Variants in PALLD observed in about 807,000 individuals in gnomAD.
PALLD encodes palladin, cytoskeletal associated protein, also known as palladin.
In PALLD, 61 loss-of-function variants were observed where a neutral mutation model predicts 123.5. That is an observed-to-expected ratio of 0.49 (90% confidence interval 0.40 to 0.61). The LOEUF (loss-of-function observed/expected upper bound fraction) is 0.61, where lower values mean the gene tolerates loss of function less well. Ranked by LOEUF, PALLD falls within the 20% of genes least tolerant of loss-of-function variation. The pLI is 0.00. For missense variants in PALLD, 1,273 were observed against 1,377.0 expected (o/e 0.92, Z 1.20); for synonymous variants, 465 against 496.4 (o/e 0.94, Z 0.84).
At chr4:168,531,721 A>C (rs1232839641) in intron 2 of PALLD, among the ~76,000 whole-genome samples, 1 of 152,216 alleles carries the variant, frequency 6.6e-6, no homozygotes, top group Non-Finnish European at 1.5e-5. Context: ...GATATAATGT[A>C]GGTAAAAACA....
At chr4:168,682,834 A>G (rs1410764388) in intron 4 of PALLD, among the ~76,000 whole-genome samples, 164 bp from the exon 5 acceptor site, 1 of 152,042 alleles carries the variant, frequency 6.6e-6, no homozygotes, top group Non-Finnish European at 1.5e-5. Context: ...TAGGTTATGC[A>G]TTCCCATTGT....
intron 10 of PALLD, among the ~76,000 whole-genome samples, chr4:168,726,745 G>A (rs369782114): frequency 6.7e-6 from 1 of 149,550 alleles, no homozygotes; most frequent in African/African-American, 2.5e-5. Flanking sequence ...ATGAGATGCT[G>A]TCCCTTTAAA....
chr4:168,603,657 G>C (rs1772895416), intron 2 of PALLD, among the ~76,000 whole-genome samples: 1 of 152,122 alleles, frequency 6.6e-6, no homozygotes. Context: ...AGGTGGTAGG[G>C]ATAGGTGTCA....
intron 2 of PALLD, among the ~76,000 whole-genome samples, chr4:168,653,720 C>G (rs1045972209): frequency 3.6e-4 from 55 of 152,118 alleles, no homozygotes; most frequent in South Asian, 1.0e-3. Flanking sequence ...TTCTTTCTTT[C>G]TTTCTTTTTT....
At chr4:168,514,282 T>C (rs1762798625) in intron 2 of PALLD, among the ~76,000 whole-genome samples, 1 of 152,124 alleles carries the variant, frequency 6.6e-6, no homozygotes, top group South Asian at 2.1e-4. Flanking sequence ...AACACAAGCT[T>C]TGCTAGTGTT....
intron 10 of PALLD, among the ~76,000 whole-genome samples, chr4:168,775,194 G>C (rs1735011843): frequency 6.6e-6 from 1 of 152,044 alleles, no homozygotes; most frequent in South Asian, 2.1e-4. Context: ...CCACATCCTA[G>C]TCTGCACATG....
intron 10 of PALLD, among the ~76,000 whole-genome samples, chr4:168,849,189 T>A (rs536102256): frequency 1.3e-5 from 2 of 152,364 alleles, no homozygotes; most frequent in South Asian, 4.1e-4. Flanking sequence ...GGCAAACCGA[T>A]AGCATCAGAG....
At chr4:168,576,464 C>G (rs766402264) in intron 2 of PALLD, among the ~76,000 whole-genome samples, 8 of 151,998 alleles carry the variant, frequency 5.3e-5, no homozygotes, top group Non-Finnish European at 1.0e-4. Context: ...CAATTCCTAC[C>G]TATGAGTGAG....
At chr4:168,581,334 T>C (rs922878917) in intron 2 of PALLD, among the ~76,000 whole-genome samples, 1 of 152,050 alleles carries the variant, frequency 6.6e-6, no homozygotes, top group Non-Finnish European at 1.5e-5. Context: ...TCATACTGTT[T>C]TCCATAATGG....
intron 10 of PALLD, among the ~76,000 whole-genome samples, chr4:168,782,795 A>T (rs1736109376): frequency 6.6e-6 from 1 of 152,016 alleles, no homozygotes; most frequent in Non-Finnish European, 1.5e-5. Flanking sequence ...TATGCCTGTA[A>T]TCCTAGTGCT....
chr4:168,924,841 A>G, intron 19 of PALLD, 104 bp from the exon 20 acceptor site: 1 of 1,132,708 alleles, frequency 8.8e-7, no homozygotes, highest in Non-Finnish European at 1.3e-6. Context: ...ATTATCAGCT[A>G]CTTGCACAAT....
At chr4:168,824,737 A>G (rs933052410) in intron 10 of PALLD, among the ~76,000 whole-genome samples, 1 of 151,820 alleles carries the variant, frequency 6.6e-6, no homozygotes, top group Admixed American at 6.6e-5. Context: ...AACTCACTTA[A>G]GGGGCCTGTA....
chr4:168,925,876 A>C (rs528166225), intron 21 of PALLD, among the ~76,000 whole-genome samples: 18 of 152,304 alleles, frequency 1.2e-4, no homozygotes, highest in African/African-American at 4.3e-4. Context: ...ATTATTTTAG[A>C]GAAAATATTT....
At chr4:168,679,087 T>C (rs1347065944) in intron 3 of PALLD, among the ~76,000 whole-genome samples, 1 of 122,420 alleles carries the variant, frequency 8.2e-6, no homozygotes, top group Non-Finnish European at 1.7e-5. Flanking sequence ...AGTATGGATG[T>C]GTTTGGGGTG....
At chr4:168,727,604 A>G (rs148263317) in intron 10 of PALLD, among the ~76,000 whole-genome samples, 116 of 152,306 alleles carry the variant, frequency 7.6e-4, no homozygotes, top group African/African-American at 2.7e-3. Flanking sequence ...GGTTCTGGAC[A>G]TGAGACCTTT....
intron 9 of PALLD, among the ~76,000 whole-genome samples, 176 bp downstream of exon 9, chr4:168,709,323 A>G (rs1243009324): frequency 1.3e-5 from 2 of 151,622 alleles, no homozygotes; most frequent in African/African-American, 2.4e-5. Context: ...CAGCCTGGTT[A>G]ACATGGTGAA....
chr4:168,885,144 A>C (rs1753162547), intron 10 of PALLD, among the ~76,000 whole-genome samples: 1 of 152,194 alleles, frequency 6.6e-6, no homozygotes, highest in Non-Finnish European at 1.5e-5. Context: ...TCATCTTTCA[A>C]GGGCTTATAA....
At chr4:168,708,761 G>A (rs765635826) in intron 8 of PALLD, among the ~76,000 whole-genome samples, 6 of 151,838 alleles carry the variant, frequency 4.0e-5, no homozygotes, top group Non-Finnish European at 8.8e-5. Context: ...TAACCCATTG[G>A]GTATGTATTA....
intron 8 of PALLD, among the ~76,000 whole-genome samples, chr4:168,707,921 G>T (rs1045151907): frequency 6.6e-6 from 1 of 152,128 alleles, no homozygotes; most frequent in Non-Finnish European, 1.5e-5. Flanking sequence ...TAATACTCTA[G>T]ATATAGCTTC....
Sources: gnomAD v4.1 joint callset for allele counts (sites outside exome capture counted in the v4.1 genomes callset) on GRCh38, gnomAD v4.1.1 for gene constraint, MANE v1.5 for transcripts, NCBI Gene and HGNC (gene_info 2026-07-23, HGNC 2026-07-21) for gene names.